Variants in RBFOX1 observed in about 807,000 individuals in gnomAD.
RBFOX1 encodes RNA binding protein fox-1 homolog 1.
RBFOX1 carries 8 observed loss-of-function variants against 57.7 expected under a neutral mutation model. The observed-to-expected ratio is 0.14, with a 90% CI of 0.08 to 0.25. The LOEUF is 0.25. Ranked by LOEUF, RBFOX1 falls within the 10% of genes least tolerant of loss-of-function variation. The pLI, the probability that RBFOX1 is intolerant of heterozygous loss-of-function variation, is 1.00. For missense variants in RBFOX1, 611 were observed against 548.5 expected (o/e 1.11, Z -1.14); for synonymous variants, 326 against 222.4 (o/e 1.47, Z -4.15).
At chr16:6,751,667 A>C (rs541440109) in intron 3 of RBFOX1, among the ~76,000 whole-genome samples, 192 of 152,268 alleles carry the variant, frequency 1.3e-3, no homozygotes, top group African/African-American at 4.4e-3. Flanking sequence ...TTATTTCTTG[A>C]GTCCGTTGGT....
chr16:5,414,027 C>G (rs950162666), intron 1 of RBFOX1, among the ~76,000 whole-genome samples: 3 of 152,164 alleles, frequency 2.0e-5, no homozygotes, highest in Admixed American at 6.5e-5. Flanking sequence ...TTGTCTACTG[C>G]AGGGAGATAA....
At chr16:5,390,297 T>C (rs552658287) in intron 1 of RBFOX1, among the ~76,000 whole-genome samples, 3 of 151,380 alleles carry the variant, frequency 2.0e-5, no homozygotes, top group South Asian at 2.1e-4. Context: ...TTTTCTTTTT[T>C]TTTTTTTTTT....
chr16:6,944,488 G>T lies in RBFOX1; in HGVS notation c.-15-107569G>T, dbSNP rs558725857. On this transcript the variant is annotated intron_variant, in intron 3 of 15. Transcript: ENST00000550418. ...GCCTTACATGACTTATCTCCACATAGGTGACAGTGACTTTGGATCAGAGTG... is the reference window on the plus strand; with the variant it reads ...GCCTTACATGACTTATCTCCACATATGTGACAGTGACTTTGGATCAGAGTG... 8.5e-5 allele frequency among the ~76,000 whole-genome samples: 13 copies of T among 152,128 alleles called. 1 individual carries two copies. The highest frequency in any genetic ancestry group is 3.1e-4 in the African/African-American group (13 of 41,496).
chr16:7,179,231 T>C (rs1210628371), intron 4 of RBFOX1, among the ~76,000 whole-genome samples: 1 of 152,062 alleles, frequency 6.6e-6, no homozygotes, highest in East Asian at 1.9e-4. Context: ...GATTTTTTTT[T>C]TTTTTCCAAA....
chr16:5,583,511 G>T (rs997384601), intron 2 of RBFOX1, among the ~76,000 whole-genome samples: 1 of 152,118 alleles, frequency 6.6e-6, no homozygotes, highest in Non-Finnish European at 1.5e-5. Context: ...CTGTAAATTT[G>T]TTCTGACCGC....
At chr16:5,968,701 A>G (rs1199695606) in intron 4 of RBFOX1, among the ~76,000 whole-genome samples, 1 of 151,990 alleles carries the variant, frequency 6.6e-6, no homozygotes, top group African/African-American at 2.4e-5. Flanking sequence ...TTGCAGGTAT[A>G]CTGTTTGTTT....
intron 1 of RBFOX1, among the ~76,000 whole-genome samples, chr16:5,464,807 A>T (rs936146615): frequency 2.6e-5 from 4 of 152,046 alleles, no homozygotes; most frequent in Non-Finnish European, 4.4e-5. Context: ...GAGGGCTTGG[A>T]GATTGTGAAG....
intron 3 of RBFOX1, among the ~76,000 whole-genome samples, chr16:6,737,732 A>G (rs568937211): frequency 3.9e-5 from 6 of 152,326 alleles, no homozygotes; most frequent in Non-Finnish European, 8.8e-5. Flanking sequence ...TAGGTACACA[A>G]ATGATATATG....
chr16:6,500,751 G>A (rs1018610155), intron 2 of RBFOX1, among the ~76,000 whole-genome samples: 4 of 152,056 alleles, frequency 2.6e-5, no homozygotes, highest in Admixed American at 1.3e-4. Context: ...ATGTCAAGAT[G>A]TTGTTATTCT....
At chr16:7,622,011 C>T (rs191358998) in intron 10 of RBFOX1, among the ~76,000 whole-genome samples, 15 of 152,260 alleles carry the variant, frequency 9.9e-5, no homozygotes, top group Admixed American at 9.2e-4. Flanking sequence ...TCAAATGTTA[C>T]TGTGATTTTT....
At chr16:6,877,446 A>T (rs998519647) in intron 3 of RBFOX1, among the ~76,000 whole-genome samples, 2 of 152,036 alleles carry the variant, frequency 1.3e-5, no homozygotes, top group Non-Finnish European at 2.9e-5. Context: ...AAACCAGAGT[A>T]GTGGGGAAGC....
At chr16:5,278,290 T>G (rs1437049376) in intron 1 of RBFOX1, among the ~76,000 whole-genome samples, 1 of 152,230 alleles carries the variant, frequency 6.6e-6, no homozygotes, top group Non-Finnish European at 1.5e-5. Flanking sequence ...ACTTGGTGAT[T>G]TGTGTATCTT....
chr16:6,890,920 AAC>A (rs1258270559), intron 3 of RBFOX1, among the ~76,000 whole-genome samples: 20 of 152,174 alleles, frequency 1.3e-4, no homozygotes, highest in Admixed American at 3.3e-4. Flanking sequence ...GAGAAACTTG[AAC>A]AGACTCTTGC....
chr16:5,431,132 C>T (rs1389642558), intron 1 of RBFOX1, among the ~76,000 whole-genome samples: 1 of 152,082 alleles, frequency 6.6e-6, no homozygotes, highest in Non-Finnish European at 1.5e-5. Context: ...CCGCAGTCAC[C>T]CTGAGTGTGA....
intron 3 of RBFOX1, among the ~76,000 whole-genome samples, chr16:5,610,853 G>A (rs1224421553): frequency 6.6e-6 from 1 of 152,088 alleles, no homozygotes; most frequent in East Asian, 1.9e-4. Flanking sequence ...GGGTGACAGA[G>A]CAAGACCCTA....
chr16:5,530,894 C>T (rs1427628136), intron 2 of RBFOX1, among the ~76,000 whole-genome samples: 1 of 133,156 alleles, frequency 7.5e-6, no homozygotes, highest in African/African-American at 2.7e-5. Flanking sequence ...TCGAGACCAG[C>T]CTGGCCAACA....
intron 1 of RBFOX1, among the ~76,000 whole-genome samples, chr16:5,283,145 G>A (rs1193979028): frequency 2.6e-5 from 4 of 152,188 alleles, no homozygotes; most frequent in African/African-American, 7.2e-5. Context: ...TTGAGCCTGT[G>A]GGTACAAAGA....
chr16:7,103,240 T>C (rs1340591170), intron 4 of RBFOX1, among the ~76,000 whole-genome samples: 1 of 152,202 alleles, frequency 6.6e-6, no homozygotes, highest in East Asian at 1.9e-4. Flanking sequence ...TTTGCATTTG[T>C]ATCAACTTTG....
At chr16:5,363,218 T>A (rs2065605422) in intron 1 of RBFOX1, among the ~76,000 whole-genome samples, 1 of 147,622 alleles carries the variant, frequency 6.8e-6, no homozygotes, top group African/African-American at 2.5e-5. Flanking sequence ...TTTTTTTTTG[T>A]ATTTTTAGTA....
Sources: allele counts gnomAD v4.1 joint callset (sites outside exome capture counted in the v4.1 genomes callset), GRCh38; gene constraint gnomAD v4.1.1; transcripts MANE v1.5; gene names NCBI Gene and HGNC (gene_info 2026-07-23, HGNC 2026-07-21).